The following PFKFB3 variants were observed in gnomAD, a reference collection of about 807,000 sequenced individuals.
PFKFB3 encodes 6-phosphofructo-2-kinase/fructose-2,6-bisphosphatase 3.
PFKFB3 carries 33 observed loss-of-function variants against 68.0 expected under a neutral mutation model. That is an observed-to-expected ratio of 0.49 (90% CI 0.37 to 0.65). The LOEUF (loss-of-function observed/expected upper bound fraction) is 0.65. Ranked by LOEUF, PFKFB3 falls within the 30% of genes least tolerant of loss-of-function variation. The probability of loss-of-function intolerance (pLI) is 0.00; values close to 1 mark genes in which losing one functional copy is unlikely to be tolerated. For missense variants in PFKFB3, 586 were observed against 712.2 expected (o/e 0.82, Z 2.02); for synonymous variants, 315 against 288.2 (o/e 1.09, Z -0.94).
the PFKFB3 span, among the ~76,000 whole-genome samples, chr10:6,267,570 C>T: frequency 1.3e-5 from 2 of 152,286 alleles, no homozygotes; most frequent in East Asian, 1.9e-4. Flanking sequence ...CACTTGTAGA[C>T]ATAGCACGCT....
In PFKFB3 at chr10:6,223,277, G is replaced by A. The variant is rs549837357; in HGVS notation, c.1213+293G>A. Reference sequence around the variant, plus strand: ...CCACACATCCCAGGGTCTTGGCTTGGGGTGGGGGCTGCACTTCTCTTCAGT... The same window carrying A: ...CCACACATCCCAGGGTCTTGGCTTGAGGTGGGGGCTGCACTTCTCTTCAGT... On this transcript the variant is annotated intron_variant, in intron 11 of 14. Coordinates refer to ENST00000379775, the MANE Select transcript of PFKFB3 (RefSeq NM_004566.4). 2.0e-5 allele frequency among the ~76,000 whole-genome samples: 3 copies of A among 152,282 alleles called. No individual in the cohort carries two copies. The East Asian group carries it at 5.8e-4, about 29-fold the overall frequency.
At chr10:6,245,402 TTTATTA>T (rs60958617) in intron 14 of PFKFB3, among the ~76,000 whole-genome samples, 45 of 147,072 alleles carry the variant, frequency 3.1e-4, no homozygotes, top group African/African-American at 1.1e-3. Flanking sequence ...GCCTATTTGA[TTTATTA>T]TTATTATTAT....
chr10:6,200,572 G>C (rs923527293), upstream of PFKFB3, among the ~76,000 whole-genome samples: 16 of 150,498 alleles, frequency 1.1e-4, no homozygotes, highest in African/African-American at 3.4e-4. Flanking sequence ...GCTGCCAGGA[G>C]TTCTAGCTGG....
intron 14 of PFKFB3, among the ~76,000 whole-genome samples, chr10:6,248,239 CTGGCT>C (rs1311006640): frequency 3.3e-5 from 5 of 152,150 alleles, no homozygotes; most frequent in African/African-American, 1.2e-4. Context: ...GTTCATTTTG[CTGGCT>C]TGGAAATGTT....
intron 14 of PFKFB3, among the ~76,000 whole-genome samples, chr10:6,253,577 C>T (rs1846428290): frequency 6.6e-6 from 1 of 152,002 alleles, no homozygotes; most frequent in Admixed American, 6.5e-5. Flanking sequence ...GTGACATGAG[C>T]TCAGAAATGT....
the PFKFB3 span, chr10:6,294,044 C>G: frequency 3.8e-6 from 2 of 521,544 alleles, no homozygotes; most frequent in African/African-American, 1.9e-5. Context: ...TTATAGGAGC[C>G]ATTGTATAGT....
chr10:6,287,489 A>G, the PFKFB3 span, among the ~76,000 whole-genome samples: 1 of 152,228 alleles, frequency 6.6e-6, no homozygotes, highest in Admixed American at 6.5e-5. Flanking sequence ...TACAGTATTT[A>G]GTACAGCAAC....
intron 14 of PFKFB3, 39 bp downstream of exon 14, chr10:6,226,404 A>G: frequency 6.4e-7 from 1 of 1,562,156 alleles, no homozygotes; most frequent in Non-Finnish European, 8.7e-7. Context: ...TGGGGGACGC[A>G]TGCCGGGCGT....
the PFKFB3 span, among the ~76,000 whole-genome samples, chr10:6,282,591 C>T: frequency 6.6e-6 from 1 of 152,152 alleles, no homozygotes; most frequent in Non-Finnish European, 1.5e-5. Flanking sequence ...CAAGCATAGA[C>T]CTAAGGCCGC....
intron 14 of PFKFB3, among the ~76,000 whole-genome samples, chr10:6,252,065 A>T (rs542884171): frequency 6.6e-6 from 1 of 152,226 alleles, no homozygotes; most frequent in African/African-American, 2.4e-5. Flanking sequence ...GTCCATCTTT[A>T]AAACCTGGAC....
upstream of PFKFB3, among the ~76,000 whole-genome samples, chr10:6,199,411 A>C (rs1317706023): frequency 6.6e-6 from 1 of 151,202 alleles, no homozygotes; most frequent in Non-Finnish European, 1.5e-5. Context: ...GAGAAAAACC[A>C]CTCCACTGTC....
At chr10:6,253,574 G>T (rs1846428204) in intron 14 of PFKFB3, among the ~76,000 whole-genome samples, 1 of 152,028 alleles carries the variant, frequency 6.6e-6, no homozygotes, top group South Asian at 2.1e-4. Flanking sequence ...TCTGTGACAT[G>T]AGCTCAGAAA....
chr10:6,224,628 G>T (rs569280827), intron 13 of PFKFB3: 8 of 362,022 alleles, frequency 2.2e-5, no homozygotes, highest in South Asian at 1.2e-4. Context: ...CTACAGGTGC[G>T]CACCACCATG....
Position 6,228,704 on chromosome 10 carries a change from G to A in PFKFB3, c.1515+2339G>A, listed in dbSNP as rs969357667. 8.5e-5 allele frequency among the ~76,000 whole-genome samples: 13 copies of A among 152,098 alleles called. No homozygotes were observed. Among genetic ancestry groups the A allele is most frequent in the Admixed American group, 2.6e-4 (4 of 15,268 alleles). On this transcript the variant is annotated intron_variant, in intron 14 of 14. Coordinates refer to ENST00000379775, the MANE Select transcript of PFKFB3 (RefSeq NM_004566.4). The surrounding 1 kb of genome is among the most constrained non-coding windows in gnomAD (Gnocchi z 4.5). The stretch of plus-strand genomic sequence containing the variant: ...TATGGGGAATAGTGGGAGTGTGGTG[G>A]GGCCTGAGCTCTGAGCCTCTCCCTC...
At chr10:6,251,455 T>C (rs1173189813) in intron 14 of PFKFB3, among the ~76,000 whole-genome samples, 2 of 152,238 alleles carry the variant, frequency 1.3e-5, no homozygotes, top group African/African-American at 4.8e-5. Context: ...CTTTTTTCAG[T>C]TGTTGTAGCT....
In PFKFB3 at chr10:6,235,069, T is replaced by C. The variant is rs1845956783; in HGVS notation, c.*2127T>C. 1.3e-5 allele frequency: 2 copies of C among 152,836 alleles called. No individual in the cohort carries two copies. Among genetic ancestry groups the C allele is most frequent in the South Asian group, 4.2e-4 (2 of 4,810 alleles). 9.5% of individuals were successfully genotyped at this position (152,836 alleles called of 1,614,324 possible). ...GCTACAGTCATGAACTTTTGGCGTC[T>C]ACTGATTCCTCCAACTCTCCACCCC... On this transcript the variant is annotated 3_prime_UTR_variant, in exon 15 of 15. Coordinates refer to ENST00000379775, the MANE Select transcript of PFKFB3 (RefSeq NM_004566.4).
chr10:6,163,525 A>G (rs2131719845), intron 1 of PFKFB3, among the ~76,000 whole-genome samples: 1 of 152,056 alleles, frequency 6.6e-6, no homozygotes, highest in South Asian at 2.1e-4. Flanking sequence ...GCTGGGAGGT[A>G]GGGGGGCCAG....
upstream of PFKFB3, among the ~76,000 whole-genome samples, chr10:6,200,677 G>A (rs1301582777): frequency 6.1e-4 from 73 of 119,426 alleles, no homozygotes; most frequent in African/African-American, 2.4e-3. Flanking sequence ...GGGGGGGGGC[G>A]GGGGGTGGTG....
chr10:6,170,146 G>T (rs1842262705), intron 1 of PFKFB3, among the ~76,000 whole-genome samples: 1 of 152,206 alleles, frequency 6.6e-6, no homozygotes, highest in African/African-American at 2.4e-5. Context: ...TTAAGCAAAA[G>T]AACCTTGTTT....
Sources: gnomAD v4.1 joint callset for allele counts (sites outside exome capture counted in the v4.1 genomes callset) on GRCh38, gnomAD v4.1.1 for gene constraint, Gnocchi (gnomAD v3.1) non-coding constraint, MANE v1.5 for transcripts, NCBI Gene and HGNC (gene_info 2026-07-23, HGNC 2026-07-21) for gene names.